Variants in MBD5 observed in about 807,000 individuals in gnomAD.
The protein encoded by MBD5 is methyl-CpG-binding domain protein 5.
In MBD5, 13 loss-of-function variants were observed where a neutral mutation model predicts 117.3. That is an observed-to-expected ratio of 0.11 (90% CI 0.07 to 0.18). The LOEUF is 0.18. MBD5 is among the 10% of genes least tolerant of loss of function. MBD5 has a pLI of 1.00. For missense variants in MBD5, 1,879 were observed against 2,093.8 expected (o/e 0.90, Z 2.00); for synonymous variants, 727 against 766.4 (o/e 0.95, Z 0.85).
At chr2:148,462,157 C>T (rs543581049) in intron 5 of MBD5, among the ~76,000 whole-genome samples, 13 of 152,066 alleles carry the variant, frequency 8.5e-5, no homozygotes, top group Non-Finnish European at 1.9e-4. Context: ...CTTTCTGGTT[C>T]GAACTTCAAT....
intron 3 of MBD5, among the ~76,000 whole-genome samples, chr2:148,308,491 C>CT (rs60650324): frequency 3.4e-4 from 23 of 66,804 alleles, no homozygotes; most frequent in African/African-American, 9.4e-4. Flanking sequence ...GGGGTTCTTT[C>CT]TTTTTTTTTT....
At chr2:148,189,313 C>CA (rs1483824242) in intron 2 of MBD5, among the ~76,000 whole-genome samples, 1 of 150,940 alleles carries the variant, frequency 6.6e-6, no homozygotes, top group Non-Finnish European at 1.5e-5. Context: ...AGGGCACAGA[C>CA]AAACAAAAAG....
intron 2 of MBD5, among the ~76,000 whole-genome samples, chr2:148,201,358 G>C (rs1699136141): frequency 6.6e-6 from 1 of 152,164 alleles, no homozygotes. Flanking sequence ...GGAAACACAG[G>C]GACACCCAAG....
chr2:148,390,480 AGTATATATAT>A (rs1169808615), intron 4 of MBD5, among the ~76,000 whole-genome samples: 1 of 149,208 alleles, frequency 6.7e-6, no homozygotes, highest in Non-Finnish European at 1.5e-5. Context: ...TATATATATA[AGTATATATAT>A]GTGTATATAT....
chr2:148,431,507 C>G (rs188284824), intron 4 of MBD5, among the ~76,000 whole-genome samples: 89 of 151,892 alleles, frequency 5.9e-4, no homozygotes, highest in African/African-American at 2.1e-3. Flanking sequence ...AGCATACTAC[C>G]TGATAGGTAT....
intron 4 of MBD5, among the ~76,000 whole-genome samples, chr2:148,420,175 T>C (rs1705556925): frequency 6.6e-6 from 1 of 152,192 alleles, no homozygotes; most frequent in African/African-American, 2.4e-5. Context: ...ACTGTGCTTG[T>C]CTCCCCAGCA....
At chr2:148,188,998 A>T (rs1216936474) in intron 2 of MBD5, among the ~76,000 whole-genome samples, 1 of 149,480 alleles carries the variant, frequency 6.7e-6, no homozygotes, top group African/African-American at 2.5e-5. Context: ...GGGGTGACGG[A>T]CGCACCTGGA....
chr2:148,268,205 C>T (rs1418662340), intron 3 of MBD5, among the ~76,000 whole-genome samples: 2 of 152,064 alleles, frequency 1.3e-5, no homozygotes, highest in African/African-American at 4.8e-5. Context: ...CCCGCCTTGG[C>T]CTTCCAAAGT....
At chr2:148,464,952 A>G (rs1037014250) in intron 7 of MBD5, among the ~76,000 whole-genome samples, 3 of 151,956 alleles carry the variant, frequency 2.0e-5, no homozygotes, top group Non-Finnish European at 4.4e-5. Flanking sequence ...CCTGAGTGAT[A>G]GAGCAAAACT....
intron 11 of MBD5, among the ~76,000 whole-genome samples, chr2:148,497,270 C>G (rs966867091): frequency 5.9e-5 from 9 of 152,018 alleles, no homozygotes; most frequent in Non-Finnish European, 1.0e-4. Flanking sequence ...GTACTAGGCA[C>G]TATTCAAGCC....
intron 8 of MBD5, among the ~76,000 whole-genome samples, chr2:148,472,977 AGG>A (rs1264984045): frequency 6.6e-6 from 1 of 152,166 alleles, no homozygotes; most frequent in Non-Finnish European, 1.5e-5. Context: ...ATTTGAACTG[AGG>A]TTCATCTGAT....
chr2:148,261,201 A>G (rs1700723250), intron 3 of MBD5, among the ~76,000 whole-genome samples: 1 of 152,194 alleles, frequency 6.6e-6, no homozygotes, highest in African/African-American at 2.4e-5. Context: ...TAAAATCACC[A>G]ACTGCATTAG....
intron 1 of MBD5, among the ~76,000 whole-genome samples, chr2:148,048,552 GTCT>G (rs143283550): frequency 4.4e-4 from 67 of 152,248 alleles, no homozygotes; most frequent in African/African-American, 1.6e-3. Flanking sequence ...CATTAGCAAA[GTCT>G]TCTTCAGGGA....
chr2:148,134,036 T>C (rs1028604011), intron 1 of MBD5, among the ~76,000 whole-genome samples: 5 of 152,156 alleles, frequency 3.3e-5, no homozygotes, highest in South Asian at 4.1e-4. Context: ...GTGAATTTCA[T>C]AGACATTCCT....
chr2:148,414,571 C>T, intron 4 of MBD5, among the ~76,000 whole-genome samples: 1 of 152,130 alleles, frequency 6.6e-6, no homozygotes. Context: ...GTTGAAGTCT[C>T]CCACTATTAT....
At chr2:148,129,881 A>G (rs888421719) in intron 1 of MBD5, among the ~76,000 whole-genome samples, 3 of 152,040 alleles carry the variant, frequency 2.0e-5, no homozygotes, top group Non-Finnish European at 4.4e-5. Flanking sequence ...ACTAATTTCC[A>G]TCTACACACT....
At chr2:148,060,719 A>G (rs1695014696) in intron 1 of MBD5, among the ~76,000 whole-genome samples, 1 of 152,050 alleles carries the variant, frequency 6.6e-6, no homozygotes, top group African/African-American at 2.4e-5. Flanking sequence ...GGGTATGATT[A>G]TTTTGTTCTA....
chr2:148,109,129 C>T lies in MBD5; in HGVS notation c.-924-69571C>T, dbSNP rs182056485. On this transcript the variant is annotated intron_variant, in intron 1 of 13. Transcript: ENST00000642680. Reference sequence around the variant, plus strand: ...AATGTATGTCCAAATTGTTAACATACTTATATTTGGCCAGGTGTGGTGACT... The same window carrying T: ...AATGTATGTCCAAATTGTTAACATATTTATATTTGGCCAGGTGTGGTGACT... Among the ~76,000 whole-genome samples, 514 of 152,174 alleles carry T rather than the reference C, an allele frequency of 3.4e-3. 5 individuals carry two copies. The highest frequency in any genetic ancestry group is 6.5e-4 in the Non-Finnish European group (44 of 68,002).
At chr2:148,445,551 G>A (rs1256041251) in intron 4 of MBD5, among the ~76,000 whole-genome samples, 1 of 151,306 alleles carries the variant, frequency 6.6e-6, no homozygotes, top group Non-Finnish European at 1.5e-5. Context: ...GGACATTTGG[G>A]TTTGTTCCAA....
Sources: gnomAD v4.1 joint callset for allele counts (sites outside exome capture counted in the v4.1 genomes callset) on GRCh38, gnomAD v4.1.1 for gene constraint, MANE v1.5 for transcripts, NCBI Gene and HGNC (gene_info 2026-07-23, HGNC 2026-07-21) for gene names.